The following POLR2B variants were observed in gnomAD, a reference collection of about 807,000 sequenced individuals.
The protein encoded by POLR2B is DNA-directed RNA polymerase II subunit RPB2.
Under a neutral mutation model 144.6 loss-of-function variants are expected in POLR2B, and 57 were observed. The ratio of observed to expected loss-of-function variants is 0.39; its 90% CI spans 0.32 to 0.49. The LOEUF (loss-of-function observed/expected upper bound fraction) is 0.49. POLR2B is among the 20% of genes least tolerant of loss of function. The pLI is 0.83. For missense variants in POLR2B, 595 were observed against 1,467.4 expected (o/e 0.41, Z 9.71); for synonymous variants, 442 against 469.8 (o/e 0.94, Z 0.77).
In POLR2B at chr4:57,020,893, C is replaced by A; in HGVS notation, c.2324-6C>A. ...GTTTTAATGTATGCTCTTAAATTCACTGCAGGCATCAACTCAATTGTGGCC... is the reference window on the plus strand; with the variant it reads ...GTTTTAATGTATGCTCTTAAATTCAATGCAGGCATCAACTCAATTGTGGCC... On this transcript the variant is annotated splice_polypyrimidine_tract_variant and splice_region_variant and intron_variant, in intron 16 of 24. Transcript: ENST00000314595. 1.3e-6 allele frequency: 2 copies of A among 1,493,474 alleles called. No homozygotes were observed. Among genetic ancestry groups the A allele is most frequent in the African/African-American group, 1.4e-5 (1 of 72,564 alleles). 92.5% of individuals were successfully genotyped at this position (1,493,474 alleles called of 1,614,324 possible).
rs374191475 is a variant in POLR2B, at chr4:57,010,512, A to G, written c.1548+8A>G. On this transcript the variant is annotated splice_region_variant and intron_variant, in intron 11 of 24. Transcript: ENST00000314595. ...CCTGCCGAGACCCCAGAGGTAATAC[A>G]TTAGAATTTACATTCAGGACAAAAA... is the stretch of plus-strand genomic sequence containing the variant. 248 of 1,605,422 alleles carry G rather than the reference A, an allele frequency of 1.5e-4. No homozygotes were observed. In the Middle Eastern group the frequency reaches 3.0e-3, roughly 19 times the overall value.
chr4:57,005,538 C>CA (rs934479006), intron 8 of POLR2B, 62 bp from the exon 9 acceptor site: 298 of 1,502,132 alleles, frequency 2.0e-4, no homozygotes, highest in Non-Finnish European at 2.4e-4. Context: ...ACATATAAAT[C>CA]AAAAAAAAGT....
Position 57,031,097 on chromosome 4 carries a change from ATTTG to A in POLR2B, c.*113_*116del, listed in dbSNP as rs1285851631. ...ACTGTGTTGTGATAAAAAGTATTTT[ATTTG>A]TTTAATGATATGCATGCTTTTCTTC... On this transcript the variant is annotated 3_prime_UTR_variant, in exon 25 of 25. Transcript: ENST00000314595. 2.6e-6 allele frequency: 2 copies of A among 776,446 alleles called. No homozygotes were observed. Among genetic ancestry groups the A allele is most frequent in the Non-Finnish European group, 4.4e-6 (2 of 455,972 alleles). The allele number at this position is 776,446 out of a possible 1,614,324, so 48.1% of individuals were successfully genotyped here.
rs1723421057 is a variant in POLR2B at position 57,017,903 on chromosome 4, G to T, written c.2323+175G>T. ...GTAGGTATGTGGAAAGTGTTTTGGT[G>T]GAGGTACAAAGTCCTTTGGAAGCAC... On this transcript the variant is annotated intron_variant, in intron 16 of 24. Transcript: ENST00000314595. The surrounding 1 kb of genome is among the most constrained non-coding windows in gnomAD (Gnocchi z 4.8). 6.6e-6 allele frequency among the ~76,000 whole-genome samples: 1 copy of T among 152,186 alleles called. No individual in the cohort carries two copies. The highest frequency in any genetic ancestry group is 2.1e-4 in the South Asian group (1 of 4,836).
intron 3 of POLR2B, 73 bp downstream of exon 3, chr4:56,990,971 G>A: frequency 1.5e-6 from 2 of 1,312,688 alleles, no homozygotes; most frequent in Non-Finnish European, 2.1e-6. Context: ...CTCTTACCTG[G>A]CTTAAAGGTT....
chr4:56,981,174 C>A (rs976770094), intron 1 of POLR2B, among the ~76,000 whole-genome samples: 1 of 151,972 alleles, frequency 6.6e-6, no homozygotes, highest in African/African-American at 2.4e-5. Context: ...CAGTAATATT[C>A]ACACTTTTCT....
At chr4:56,981,816 C>T (rs1338964009) in intron 1 of POLR2B, among the ~76,000 whole-genome samples, 1 of 152,190 alleles carries the variant, frequency 6.6e-6, no homozygotes, top group Non-Finnish European at 1.5e-5. Flanking sequence ...ATGTGCTTTT[C>T]AACTGATTAC....
intron 17 of POLR2B, among the ~76,000 whole-genome samples, chr4:57,021,484 A>AAAT (rs1723546574): frequency 9.6e-6 from 1 of 103,676 alleles, no homozygotes; most frequent in Admixed American, 9.9e-5. Context: ...TAATGTAAAA[A>AAAT]CTTTTTTTTT....
intron 7 of POLR2B, among the ~76,000 whole-genome samples, chr4:57,003,523 C>A (rs750820808): frequency 1.3e-5 from 2 of 152,084 alleles, no homozygotes; most frequent in Non-Finnish European, 2.9e-5. Context: ...AAGTTTGAGA[C>A]TGGCCTGGGC....
At chr4:56,991,328 TATCTTTACTA>T (rs1314641120) in intron 3 of POLR2B, among the ~76,000 whole-genome samples, 1 of 152,242 alleles carries the variant, frequency 6.6e-6, no homozygotes, top group African/African-American at 2.4e-5. Context: ...ACATAGCAGC[TATCTTTACTA>T]AGTTTCTTGT....
intron 1 of POLR2B, among the ~76,000 whole-genome samples, chr4:56,981,990 C>G (rs886702211): frequency 2.0e-5 from 3 of 152,254 alleles, no homozygotes; most frequent in African/African-American, 4.8e-5. Context: ...AGCGACATCA[C>G]TTTCACTTGA....
At chr4:57,027,206 A>C (rs906718811) in intron 23 of POLR2B, among the ~76,000 whole-genome samples, 1 of 151,452 alleles carries the variant, frequency 6.6e-6, no homozygotes, top group African/African-American at 2.4e-5. Context: ...CCAGGGTTTC[A>C]CCATTTTGCC....
chr4:56,982,530 A>G (rs1259980563), intron 1 of POLR2B, among the ~76,000 whole-genome samples: 1 of 152,038 alleles, frequency 6.6e-6, no homozygotes, highest in Non-Finnish European at 1.5e-5. Context: ...CTGTGATCAC[A>G]CCACTGCACT....
At chr4:56,983,913 G>A (rs766817352) in intron 1 of POLR2B, among the ~76,000 whole-genome samples, 43 of 151,748 alleles carry the variant, frequency 2.8e-4, no homozygotes, top group Admixed American at 1.8e-3. Context: ...CACCCAGGCT[G>A]GAGTGCAGTG....
chr4:56,984,934 T>A (rs1722271300), intron 1 of POLR2B, among the ~76,000 whole-genome samples: 1 of 152,162 alleles, frequency 6.6e-6, no homozygotes, highest in Non-Finnish European at 1.5e-5. Flanking sequence ...CTTAAAAAAT[T>A]ATTTTGTTAT....
At chr4:56,992,120 A>G (rs962968245) in intron 3 of POLR2B, among the ~76,000 whole-genome samples, 2 of 152,192 alleles carry the variant, frequency 1.3e-5, no homozygotes, top group East Asian at 1.9e-4. Context: ...TAAATTTACT[A>G]TGAAGAACTC....
At chr4:56,981,329 C>T (rs191178565) in intron 1 of POLR2B, among the ~76,000 whole-genome samples, 545 of 150,798 alleles carry the variant, frequency 3.6e-3, no homozygotes, top group Non-Finnish European at 4.8e-3. Context: ...GATGGATATT[C>T]GGTTTATTTC....
intron 1 of POLR2B, among the ~76,000 whole-genome samples, chr4:56,983,666 G>A (rs1012165600): frequency 6.6e-6 from 1 of 151,868 alleles, no homozygotes; most frequent in African/African-American, 2.4e-5. Flanking sequence ...CACTGCGCCC[G>A]GCCAGCTTTT....
chr4:56,981,964 A>G (rs189535568), intron 1 of POLR2B, among the ~76,000 whole-genome samples: 1 of 152,182 alleles, frequency 6.6e-6, no homozygotes, highest in African/African-American at 2.4e-5. Flanking sequence ...CTTCCCGGAA[A>G]CTCACTCAGC....
Sources: allele counts gnomAD v4.1 joint callset (sites outside exome capture counted in the v4.1 genomes callset), GRCh38; gene constraint gnomAD v4.1.1; non-coding constraint Gnocchi (gnomAD v3.1); transcripts MANE v1.5; gene names NCBI Gene and HGNC (gene_info 2026-07-23, HGNC 2026-07-21).